Variants in MAGI2 observed in about 807,000 individuals in gnomAD.
MAGI2 encodes the protein membrane associated guanylate kinase, WW and PDZ domain containing 2, also known as membrane-associated guanylate kinase, WW and PDZ domain-containing protein 2.
Under a neutral mutation model 133.3 loss-of-function variants are expected in MAGI2, and 35 were observed. That is an observed-to-expected ratio of 0.26 (90% CI 0.20 to 0.35). MAGI2 has a LOEUF of 0.35. MAGI2 is among the 10% of genes least tolerant of loss of function. The pLI is 1.00. For missense variants in MAGI2, 1,636 were observed against 1,863.4 expected (o/e 0.88, Z 2.25); for synonymous variants, 729 against 710.6 (o/e 1.03, Z -0.41).
At position 78,134,602 on chromosome 7, in the gene MAGI2, G is replaced by A. The variant is rs368070342; in HGVS notation, c.3031+419C>T. The A allele has an allele frequency of 9.3e-5, 15 of 160,786 alleles. No individual in the cohort carries two copies. In the Middle Eastern group the frequency reaches 0.029, roughly 311 times the overall value. 10.0% of individuals were successfully genotyped at this position (160,786 alleles called of 1,614,324 possible). On this transcript the variant is annotated intron_variant, in intron 17 of 21. Transcript: ENST00000354212. The stretch of plus-strand genomic sequence containing the variant: ...CTCTCCTTATACCACAAAACTTCAC[G>A]TTTTCAAAATCAATCTGACTTTGAG...
intron 1 of MAGI2, among the ~76,000 whole-genome samples, chr7:79,111,502 A>AT (rs1490845089): frequency 6.6e-6 from 1 of 152,114 alleles, no homozygotes; most frequent in Admixed American, 6.5e-5. Context: ...TGAATTCTTT[A>AT]TTTTTTTGAG....
chr7:78,610,533 C>T (rs1051700621), intron 3 of MAGI2, among the ~76,000 whole-genome samples: 14 of 152,184 alleles, frequency 9.2e-5, no homozygotes, highest in Non-Finnish European at 2.1e-4. Context: ...AATAGAGCTC[C>T]ATGACAATTG....
intron 21 of MAGI2, among the ~76,000 whole-genome samples, chr7:78,022,541 T>G (rs1808500324): frequency 6.6e-6 from 1 of 152,230 alleles, no homozygotes; most frequent in Non-Finnish European, 1.5e-5. Context: ...TCTTTTTACT[T>G]AGAAACTGTC....
chr7:78,625,224 TAAAA>T (rs905085516), intron 3 of MAGI2, among the ~76,000 whole-genome samples: 2 of 151,822 alleles, frequency 1.3e-5, no homozygotes, highest in African/African-American at 4.8e-5. Flanking sequence ...CATCGAGAGA[TAAAA>T]AAAGAACCAT....
rs529818203 is a variant in MAGI2 at position 78,858,993 on chromosome 7, G to C, written c.418+148097C>G. Among the ~76,000 whole-genome samples, 32 of 152,018 alleles carry C rather than the reference G, an allele frequency of 2.1e-4. 1 individual carries two copies. The highest frequency in any genetic ancestry group is 6.5e-4 in the African/African-American group (27 of 41,478). On this transcript the variant is annotated intron_variant, in intron 2 of 21. Transcript: ENST00000354212. ...ATTGATCCCTTTACCATTATGTAAT[G>C]GCCTTATTTGTCTCTTTTGATCTTT...
At chr7:78,509,574 C>G (rs756974843) in intron 4 of MAGI2, among the ~76,000 whole-genome samples, 1 of 152,126 alleles carries the variant, frequency 6.6e-6, no homozygotes, top group African/African-American at 2.4e-5. Flanking sequence ...GGTTCTGGTA[C>G]AGTCTAAGGT....
chr7:78,944,599 G>T (rs140785691), intron 2 of MAGI2, among the ~76,000 whole-genome samples: 70 of 151,942 alleles, frequency 4.6e-4, no homozygotes, highest in Non-Finnish European at 8.7e-4. Context: ...CCAGGAAAAG[G>T]CACCACCATG....
intron 2 of MAGI2, among the ~76,000 whole-genome samples, chr7:78,908,835 G>A (rs73144945): frequency 0.022 from 3,287 of 152,110 alleles, 66 homozygotes; most frequent in Non-Finnish European, 0.031. Context: ...AGAATGTTGT[G>A]CAGATAGAAA....
At chr7:78,305,016 C>T (rs1467500022) in intron 9 of MAGI2, among the ~76,000 whole-genome samples, 8 of 152,110 alleles carry the variant, frequency 5.3e-5, no homozygotes, top group Non-Finnish European at 1.0e-4. Context: ...CATCTTTACA[C>T]CAGAATGTTG....
At chr7:78,932,124 A>C (rs1259422079) in intron 2 of MAGI2, among the ~76,000 whole-genome samples, 1 of 151,940 alleles carries the variant, frequency 6.6e-6, no homozygotes, top group Non-Finnish European at 1.5e-5. Context: ...CCATGGAAGC[A>C]CCCTCACAAA....
intron 1 of MAGI2, chr7:79,125,380 G>T (rs1820316755): frequency 2.1e-6 from 1 of 480,008 alleles, no homozygotes; most frequent in South Asian, 1.6e-5. Context: ...TGACAACTTT[G>T]GTCATGGAGG....
intron 1 of MAGI2, among the ~76,000 whole-genome samples, chr7:79,424,922 G>A (rs1244606922): frequency 6.6e-6 from 1 of 151,548 alleles, no homozygotes; most frequent in Non-Finnish European, 1.5e-5. Context: ...AATTTTTTAA[G>A]CCTCCAAAAA....
intron 6 of MAGI2, among the ~76,000 whole-genome samples, chr7:78,424,245 A>G (rs1436062842): frequency 6.6e-6 from 1 of 152,152 alleles, no homozygotes; most frequent in Non-Finnish European, 1.5e-5. Context: ...GCCTCAGAGG[A>G]TGGAAGCCCC....
intron 2 of MAGI2, among the ~76,000 whole-genome samples, chr7:78,650,241 T>C (rs1011445047): frequency 1.3e-5 from 2 of 152,140 alleles, no homozygotes; most frequent in East Asian, 3.8e-4. Context: ...AAAGCACGCA[T>C]TAGAAATAGG....
intron 1 of MAGI2, among the ~76,000 whole-genome samples, chr7:79,013,326 C>G (rs1808369048): frequency 6.6e-6 from 1 of 152,144 alleles, no homozygotes; most frequent in South Asian, 2.1e-4. Flanking sequence ...AGACAACTGA[C>G]TTCAGACCTT....
chr7:78,043,375 G>A (rs1468805043), intron 21 of MAGI2, among the ~76,000 whole-genome samples: 2 of 152,112 alleles, frequency 1.3e-5, no homozygotes, highest in Non-Finnish European at 2.9e-5. Context: ...AAATACCTGC[G>A]TAGCCAGTTT....
At chr7:78,380,275 T>C (rs1009699277) in intron 6 of MAGI2, among the ~76,000 whole-genome samples, 5 of 151,920 alleles carry the variant, frequency 3.3e-5, no homozygotes, top group African/African-American at 9.7e-5. Flanking sequence ...AGTTAAGTCA[T>C]ATATAACAAA....
chr7:78,221,702 A>C (rs1011305372), intron 10 of MAGI2, among the ~76,000 whole-genome samples: 1 of 151,978 alleles, frequency 6.6e-6, no homozygotes, highest in African/African-American at 2.4e-5. Flanking sequence ...CTTAATTTAA[A>C]AATACCAAGG....
At chr7:78,687,969 T>TAA (rs72030909) in intron 2 of MAGI2, among the ~76,000 whole-genome samples, 841 of 67,072 alleles carry the variant, frequency 0.013, 19 homozygotes, top group Admixed American at 0.016. Context: ...GTCCTTGCCT[T>TAA]AAAAAAAAAA....
Sources: allele counts gnomAD v4.1 joint callset (sites outside exome capture counted in the v4.1 genomes callset), GRCh38; gene constraint gnomAD v4.1.1; transcripts MANE v1.5; gene names NCBI Gene and HGNC (gene_info 2026-07-23, HGNC 2026-07-21).